The following RASGRF2 variants were observed in gnomAD, a reference collection of about 807,000 sequenced individuals.
RASGRF2 encodes ras-specific guanine nucleotide-releasing factor 2.
Under a neutral mutation model 151.0 loss-of-function variants are expected in RASGRF2, and 76 were observed. The observed-to-expected ratio is 0.50, with a 90% CI of 0.42 to 0.61. The LOEUF (loss-of-function observed/expected upper bound fraction) is 0.61. RASGRF2 is among the 20% of genes least tolerant of loss of function. RASGRF2 has a pLI of 0.00. For synonymous variants in RASGRF2, 504 were observed against 566.5 expected (o/e 0.89, Z 1.57); for missense variants, 1,148 against 1,564.6 (o/e 0.73, Z 4.49).
chr5:80,989,997 G>A (rs1748596165), intron 1 of RASGRF2, among the ~76,000 whole-genome samples: 1 of 152,142 alleles, frequency 6.6e-6, no homozygotes, highest in Non-Finnish European at 1.5e-5. Flanking sequence ...TGTACTCTGT[G>A]TTCCCCTTCT....
chr5:81,123,591 A>C (rs757085695), intron 15 of RASGRF2, 51 bp from the exon 16 acceptor site: 1 of 1,587,736 alleles, frequency 6.3e-7, no homozygotes, highest in Admixed American at 1.8e-5. Context: ...ACTGACAAGA[A>C]GCTCTTGAAT....
intron 23 of RASGRF2, among the ~76,000 whole-genome samples, chr5:81,214,855 G>A (rs1755700073): frequency 6.6e-6 from 1 of 152,186 alleles, no homozygotes. Flanking sequence ...CAACAACAAT[G>A]TTATTTCTCA....
rs534330205 is a variant in RASGRF2, at chr5:81,023,353, G to A, written c.289-19524G>A. ...GATGACCCAGTACTTGGTAATGTCTGCTCCAGTTCCTGTATTAGGACAGGT... is the reference window on the plus strand; with the variant it reads ...GATGACCCAGTACTTGGTAATGTCTACTCCAGTTCCTGTATTAGGACAGGT... On this transcript the variant is annotated intron_variant, in intron 1 of 26. Transcript: ENST00000265080. 4.6e-5 allele frequency among the ~76,000 whole-genome samples: 7 copies of A among 152,336 alleles called. No individual in the cohort carries two copies. In the South Asian group the frequency reaches 1.5e-3, roughly 32 times the overall value.
chr5:81,214,680 TGA>T lies in RASGRF2; in HGVS notation c.3355-1194_3355-1193del, dbSNP rs757332062. On this transcript the variant is annotated intron_variant, in intron 23 of 26. Coordinates refer to ENST00000265080, the MANE Select transcript of RASGRF2 (RefSeq NM_006909.3). The stretch of plus-strand genomic sequence containing the variant: ...CCTCTCCAGGTGAGACAAAGTAGTT[TGA>T]GGACCCTCAACCTGGGCATTCCAAG... Among the ~76,000 whole-genome samples the T allele has an allele frequency of 3.3e-5, 5 of 152,196 alleles. No homozygotes were observed. The East Asian group carries it at 9.6e-4, about 29-fold the overall frequency.
At chr5:81,185,210 G>A (rs1755000452) in intron 18 of RASGRF2, among the ~76,000 whole-genome samples, 1 of 152,250 alleles carries the variant, frequency 6.6e-6, no homozygotes, top group Non-Finnish European at 1.5e-5. Flanking sequence ...CTATGGGGAA[G>A]GTGGGGAGAT....
chr5:81,211,195 C>A (rs1755623669), intron 22 of RASGRF2, among the ~76,000 whole-genome samples: 1 of 151,204 alleles, frequency 6.6e-6, no homozygotes, highest in Non-Finnish European at 1.5e-5. Context: ...TTCCTAGAAG[C>A]CTCCTCTGTA....
At chr5:81,144,273 C>T (rs576852078) in intron 17 of RASGRF2, among the ~76,000 whole-genome samples, 1 of 152,260 alleles carries the variant, frequency 6.6e-6, no homozygotes, top group Non-Finnish European at 1.5e-5. Flanking sequence ...TGGTGGAAGT[C>T]AGCACAAGTA....
chr5:80,993,736 G>C (rs948361688), intron 1 of RASGRF2, among the ~76,000 whole-genome samples: 10 of 152,130 alleles, frequency 6.6e-5, no homozygotes, highest in African/African-American at 2.4e-4. Context: ...TTAGCTTTAG[G>C]GAATTATTTG....
intron 12 of RASGRF2, 47 bp downstream of exon 12, chr5:81,095,039 C>T: frequency 7.5e-7 from 1 of 1,326,874 alleles, no homozygotes; most frequent in South Asian, 2.0e-5. Context: ...AATTTCACAA[C>T]TCAAACTTTT....
intron 1 of RASGRF2, among the ~76,000 whole-genome samples, chr5:81,026,938 A>G (rs1750056215): frequency 6.6e-6 from 1 of 152,252 alleles, no homozygotes; most frequent in Non-Finnish European, 1.5e-5. Context: ...TTTCGTGAAT[A>G]GATAAGAATG....
chr5:81,003,844 A>C (rs911724249), intron 1 of RASGRF2, among the ~76,000 whole-genome samples: 9 of 152,234 alleles, frequency 5.9e-5, no homozygotes, highest in African/African-American at 2.2e-4. Context: ...CATTTTAGGA[A>C]ATAGAAGCCT....
chr5:81,183,743 C>T lies in RASGRF2; in HGVS notation c.2793+3462C>T, dbSNP rs145355722. ...ACCAGTGTTCTTACTCCAGCTCTGCCAACTGTAGCTCCTGTGGGGCCCCAA... is the reference window on the plus strand; with the variant it reads ...ACCAGTGTTCTTACTCCAGCTCTGCTAACTGTAGCTCCTGTGGGGCCCCAA... On this transcript the variant is annotated intron_variant, in intron 18 of 26. Coordinates refer to ENST00000265080, the MANE Select transcript of RASGRF2 (RefSeq NM_006909.3). 1.7e-3 allele frequency among the ~76,000 whole-genome samples: 256 copies of T among 152,322 alleles called. 3 individuals carry two copies. Among genetic ancestry groups the T allele is most frequent in the African/African-American group, 5.9e-3 (244 of 41,556 alleles).
At position 81,152,658 on chromosome 5, in the gene RASGRF2, C is replaced by T. The variant is rs191023654; in HGVS notation, c.2686+25495C>T. 2.0e-5 allele frequency among the ~76,000 whole-genome samples: 3 copies of T among 152,176 alleles called. No homozygotes were observed. The East Asian group carries it at 5.8e-4, about 29-fold the overall frequency. ...GAGGAGCTCAGCAAATTTCCTTCCCCAAAACAATGACAAAATTGTACAAAA... is the reference window on the plus strand; with the variant it reads ...GAGGAGCTCAGCAAATTTCCTTCCCTAAAACAATGACAAAATTGTACAAAA... On this transcript the variant is annotated intron_variant, in intron 17 of 26. Transcript: ENST00000265080.
intron 17 of RASGRF2, among the ~76,000 whole-genome samples, chr5:81,161,085 G>T (rs1754372301): frequency 1.3e-5 from 2 of 152,100 alleles, no homozygotes; most frequent in South Asian, 2.1e-4. Flanking sequence ...GATGCTGAAG[G>T]AATTGTCCAT....
At chr5:81,029,186 G>A (rs191018740) in intron 1 of RASGRF2, among the ~76,000 whole-genome samples, 3 of 152,314 alleles carry the variant, frequency 2.0e-5, no homozygotes, top group African/African-American at 7.2e-5. Context: ...GCAGCCCAAG[G>A]AGGCCTGTCT....
chr5:81,163,850 C>T (rs1754443883), intron 17 of RASGRF2, among the ~76,000 whole-genome samples: 1 of 152,146 alleles, frequency 6.6e-6, no homozygotes, highest in Non-Finnish European at 1.5e-5. Context: ...GATGTGGTCA[C>T]ATCATCATTG....
intron 18 of RASGRF2, among the ~76,000 whole-genome samples, chr5:81,194,547 T>C (rs1463220779): frequency 6.6e-6 from 1 of 152,162 alleles, no homozygotes; most frequent in African/African-American, 2.4e-5. Flanking sequence ...CATCTCACAA[T>C]AGCATCTCTC....
chr5:80,965,234 G>C (rs1408595013), intron 1 of RASGRF2, among the ~76,000 whole-genome samples: 1 of 152,076 alleles, frequency 6.6e-6, no homozygotes, highest in Non-Finnish European at 1.5e-5. Context: ...TGAAATATTT[G>C]TGGGAGATGG....
chr5:80,981,103 T>TA (rs1748284538), intron 1 of RASGRF2, among the ~76,000 whole-genome samples: 1 of 152,246 alleles, frequency 6.6e-6, no homozygotes, highest in Admixed American at 6.5e-5. Context: ...ATACTCCCAA[T>TA]ACAGCAATAC....
Sources: gnomAD v4.1 joint callset for allele counts (sites outside exome capture counted in the v4.1 genomes callset) on GRCh38, gnomAD v4.1.1 for gene constraint, MANE v1.5 for transcripts, NCBI Gene and HGNC (gene_info 2026-07-23, HGNC 2026-07-21) for gene names.